ACYP2: variants seen among roughly 807,000 people sequenced by gnomAD.
ACYP2 encodes the protein acylphosphatase 2, also known as acylphosphatase-2.
A neutral mutation model predicts 11.2 loss-of-function variants in ACYP2; 12 were observed. That is an observed-to-expected ratio of 1.08 (90% CI 0.69 to 1.74). The LOEUF is 1.74. Ranked by LOEUF, ACYP2 falls within the 40% of genes most tolerant of loss-of-function variation. The probability of loss-of-function intolerance (pLI) is 0.00; values close to 1 mark genes in which losing one functional copy is unlikely to be tolerated. For synonymous variants in ACYP2, 43 were observed against 32.2 expected, an observed-to-expected ratio of 1.33 and a Z score of -1.13; for missense variants, 134 against 101.9, an observed-to-expected ratio of 1.31 and a Z score of -1.35.
At chr2:54,141,841 T>C (rs1265929922) in intron 6 of ACYP2, 3 of 549,044 alleles carry the variant, frequency 5.5e-6, no homozygotes, top group Non-Finnish European at 1.0e-5. Context: ...ACTTTATGTA[T>C]TTATTTATTT....
Position 54,007,331 on chromosome 2 carries a change from GC to G in ACYP2, c.62+33522del, listed in dbSNP as rs370817739. Among the ~76,000 whole-genome samples, 141 of 142,968 alleles carry G rather than the reference GC, an allele frequency of 9.9e-4. 4 individuals are homozygous for G. The East Asian group carries it at 0.022, about 22-fold the overall frequency. The allele number at this position is 142,968 out of a possible 152,430, so 93.8% of individuals were successfully genotyped here. A position where few individuals can be genotyped will look rare whatever the true frequency, so the allele number is the denominator to read the frequency against. On this transcript the variant is annotated intron_variant, in intron 2 of 6. Coordinates refer to ENST00000607452, the MANE Select transcript of ACYP2 (RefSeq NM_001320586.2). ...TGCAATGGCACAATCTCGGCTCACCGCAACCTCTGCCTCCCGGGTCCAAGTG... is the reference window on the plus strand; with the variant it reads ...TGCAATGGCACAATCTCGGCTCACCGAACCTCTGCCTCCCGGGTCCAAGTG...
At chr2:54,198,911 C>T (rs1031551157) in intron 6 of ACYP2, among the ~76,000 whole-genome samples, 1 of 152,202 alleles carries the variant, frequency 6.6e-6, no homozygotes, top group Non-Finnish European at 1.5e-5. Context: ...TCTACCAACA[C>T]TCTCTCCCCT....
At chr2:54,029,471 G>GTATATA (rs1472235453) in intron 2 of ACYP2, 2 of 344,774 alleles carry the variant, frequency 5.8e-6, no homozygotes, top group African/African-American at 4.3e-5. Flanking sequence ...ACATATATGT[G>GTATATA]TATATATGTA....
chr2:54,003,462 G>A (rs1436923444), intron 2 of ACYP2, among the ~76,000 whole-genome samples: 1 of 151,756 alleles, frequency 6.6e-6, no homozygotes, highest in Non-Finnish European at 1.5e-5. Context: ...GTTTCTCCAT[G>A]TTGGTCAGGC....
chr2:53,986,210 A>G (rs1183096969), intron 2 of ACYP2, among the ~76,000 whole-genome samples: 1 of 152,056 alleles, frequency 6.6e-6, no homozygotes, highest in Non-Finnish European at 1.5e-5. Context: ...CTCTCTCACC[A>G]TGTGCTCTCT....
At chr2:54,058,890 C>A (rs1209458138) in intron 4 of ACYP2, among the ~76,000 whole-genome samples, 1 of 152,080 alleles carries the variant, frequency 6.6e-6, no homozygotes, top group East Asian at 1.9e-4. Context: ...GGGCAGACAT[C>A]TTTCCACCCA....
At chr2:54,130,681 A>G (rs1369185229) in intron 4 of ACYP2, among the ~76,000 whole-genome samples, 1 of 152,174 alleles carries the variant, frequency 6.6e-6, no homozygotes, top group African/African-American at 2.4e-5. Flanking sequence ...GAATTAAACT[A>G]TTTTTCAGTA....
intron 6 of ACYP2, among the ~76,000 whole-genome samples, chr2:54,290,844 C>T (rs1689275922): frequency 6.6e-6 from 1 of 152,172 alleles, no homozygotes; most frequent in South Asian, 2.1e-4. Flanking sequence ...ACTGTGCATC[C>T]TTAAAGCAAT....
chr2:54,236,702 C>A (rs190194018), intron 6 of ACYP2, among the ~76,000 whole-genome samples: 3 of 152,012 alleles, frequency 2.0e-5, no homozygotes, highest in Non-Finnish European at 2.9e-5. Flanking sequence ...AGGTCAAATA[C>A]GTAAAAAGTA....
chr2:54,065,646 G>A (rs1572679755), intron 4 of ACYP2: 2 of 396,840 alleles, frequency 5.0e-6, no homozygotes, highest in East Asian at 7.1e-5. Context: ...GCCAGAATTG[G>A]GTTGCCATCT....
intron 6 of ACYP2, among the ~76,000 whole-genome samples, chr2:54,183,545 A>G (rs1683837570): frequency 6.6e-6 from 1 of 152,096 alleles, no homozygotes; most frequent in Non-Finnish European, 1.5e-5. Context: ...AAAAAAAAGA[A>G]AAAAAGATTA....
intron 5 of ACYP2, among the ~76,000 whole-genome samples, chr2:54,136,971 C>T (rs1424262218): frequency 1.3e-5 from 2 of 151,866 alleles, no homozygotes; most frequent in Admixed American, 6.6e-5. Flanking sequence ...AGTGAAATTC[C>T]ATCTCAGAAG....
At chr2:54,019,597 G>A (rs1214797171) in intron 2 of ACYP2, among the ~76,000 whole-genome samples, 1 of 149,588 alleles carries the variant, frequency 6.7e-6, no homozygotes, top group African/African-American at 2.4e-5. Context: ...CACCATTCCT[G>A]GCCCCTGTGC....
At chr2:54,291,517 G>A (rs900721158) in intron 6 of ACYP2, among the ~76,000 whole-genome samples, 14 of 152,306 alleles carry the variant, frequency 9.2e-5, no homozygotes, top group South Asian at 4.1e-4. Flanking sequence ...GGTCTTTCAC[G>A]TACTGCAGAC....
intron 4 of ACYP2, among the ~76,000 whole-genome samples, chr2:54,086,460 C>T (rs185843779): frequency 4.9e-4 from 74 of 152,150 alleles, no homozygotes; most frequent in African/African-American, 1.4e-3. Flanking sequence ...GTCTCACAAG[C>T]GGGTGTGGGA....
intron 6 of ACYP2, among the ~76,000 whole-genome samples, chr2:54,249,408 C>T (rs531045974): frequency 1.1e-4 from 16 of 145,990 alleles, no homozygotes; most frequent in Non-Finnish European, 2.2e-4. Context: ...GCACACCAGC[C>T]TGGGTGACAG....
intron 6 of ACYP2, among the ~76,000 whole-genome samples, chr2:54,249,962 AAAAAG>A (rs1687139855): frequency 6.6e-6 from 1 of 151,370 alleles, no homozygotes; most frequent in Non-Finnish European, 1.5e-5. Flanking sequence ...AAAAAAAAAA[AAAAAG>A]AAAACTCACA....
At chr2:54,099,552 G>C (rs948294885) in intron 4 of ACYP2, among the ~76,000 whole-genome samples, 3 of 152,092 alleles carry the variant, frequency 2.0e-5, no homozygotes, top group African/African-American at 7.2e-5. Context: ...TCTGTGCCTG[G>C]CTTATTTTGT....
At chr2:53,995,961 T>A (rs1245261649) in intron 2 of ACYP2, among the ~76,000 whole-genome samples, 3 of 151,876 alleles carry the variant, frequency 2.0e-5, no homozygotes, top group African/African-American at 4.8e-5. Flanking sequence ...GGTGAAACCC[T>A]GTGTCTACCA....
Sources: allele counts gnomAD v4.1 joint callset (sites outside exome capture counted in the v4.1 genomes callset), GRCh38; gene constraint gnomAD v4.1.1; transcripts MANE v1.5; gene names NCBI Gene and HGNC (gene_info 2026-07-23, HGNC 2026-07-21).